IL17RE: variants seen among roughly 807,000 people sequenced by gnomAD.
The protein encoded by IL17RE is interleukin 17 receptor E.
Under a neutral mutation model 70.7 loss-of-function variants are expected in IL17RE, and 47 were observed. That is an observed-to-expected ratio of 0.67 (90% confidence interval 0.53 to 0.85). The LOEUF (loss-of-function observed/expected upper bound fraction) is 0.85, where lower values mean the gene tolerates loss of function less well. IL17RE is among the 40% of genes least tolerant of loss of function. The pLI is 0.00. For synonymous variants in IL17RE, 372 were observed against 381.2 expected, an observed-to-expected ratio of 0.98 and a Z score of 0.28; for missense variants, 850 against 893.9, an observed-to-expected ratio of 0.95 and a Z score of 0.63.
Position 9,906,718 on chromosome 3 carries a change from C to A in IL17RE, c.379C>A (p.Pro127Thr). ...TCTCTGCCTTTAGAGGAAGCTGCTG[C>A]CTCGTCGTCACCTGTCTGAGAAGAG... Reference protein sequence around the residue: ...MPAPAQRKLLPRRHLSEKSHH... With the variant: ...MPAPAQRKLLTRRHLSEKSHH... The change falls in exon 5 of 16, where the codon CCT (proline) becomes ACT (threonine). Residue 127 changes from proline to threonine, a missense_variant. Physicochemically the swap from Pro to Thr is conservative, Grantham distance 38. Coordinates refer to ENST00000383814, the MANE Select transcript of IL17RE (RefSeq NM_153480.2). The A allele has an allele frequency of 6.2e-7, 1 of 1,614,198 alleles. No homozygotes were observed. Among genetic ancestry groups the A allele is most frequent in the Non-Finnish European group, 8.5e-7 (1 of 1,180,028 alleles).
chr3:9,904,845 G>C (rs1331564327), intron 3 of IL17RE, among the ~76,000 whole-genome samples: 1 of 152,152 alleles, frequency 6.6e-6, no homozygotes, highest in African/African-American at 2.4e-5. Context: ...TGTAATCCCA[G>C]CACTCTGGGA....
In IL17RE at chr3:9,906,991, A is replaced by G; in HGVS notation, c.557A>G (p.Glu186Gly). The change falls in exon 6 of 16, where the codon GAG (glutamate) becomes GGG (glycine). Residue 186 changes from glutamate (E) to glycine (G), a missense_variant. Transcript: ENST00000383814. The stretch of plus-strand genomic sequence containing the variant: ...GAGTTCTCCTTTGATTTGCTGCCTG[A>G]GGCCCGGGCTATTCGGGTGACCATA... ...GPEFSFDLLP[E>G]ARAIRVTISS... 1 of 1,614,150 alleles carries G rather than the reference A, an allele frequency of 6.2e-7. No homozygotes were observed. The highest frequency in any genetic ancestry group is 8.5e-7 in the Non-Finnish European group (1 of 1,180,028).
chr3:9,915,561 C>G lies in IL17RE; in HGVS notation c.1758C>G (p.Arg586=), dbSNP rs1008017317. The change falls in exon 16 of 16, where the codon CGC becomes CGG. Residue 586 remains arginine, a synonymous_variant. Coordinates refer to ENST00000383814, the MANE Select transcript of IL17RE (RefSeq NM_153480.2). The surrounding 1 kb of genome is among the most constrained non-coding windows in gnomAD (Gnocchi z 4.9). ...PLLALLHAAP[R]PLLLLAYFSR... is the part of the protein sequence containing the mutation. ...TCGCCCTGCTCCACGCTGCCCCGCG[C>G]CCGCTGCTGCTGCTCGCTTACTTCA... is the stretch of plus-strand genomic sequence containing the variant. The G allele has an allele frequency of 1.5e-5, 21 of 1,410,006 alleles. No individual in the cohort carries two copies. In the African/African-American group the frequency reaches 3.0e-4, roughly 20 times the overall value. 87.3% of individuals were successfully genotyped at this position (1,410,006 alleles called of 1,614,324 possible). A position where few individuals can be genotyped will look rare whatever the true frequency, so the allele number is the denominator to read the frequency against.
At position 9,915,945 on chromosome 3, in the gene IL17RE, C is replaced by T. The variant is rs1473765407; in HGVS notation, c.*138C>T. 7.6e-7 allele frequency: 1 copy of T among 1,316,006 alleles called. No homozygotes were observed. The highest frequency in any genetic ancestry group is 9.7e-7 in the Non-Finnish European group (1 of 1,032,142). 81.5% of individuals were successfully genotyped at this position (1,316,006 alleles called of 1,614,324 possible). On this transcript the variant is annotated 3_prime_UTR_variant, in exon 16 of 16. Transcript: ENST00000383814. This position sits in a 1 kb window ranked among gnomAD's most constrained non-coding sequence, Gnocchi z 4.9. ...GGCCGAAAAGCCGCATTCCCTGCCT[C>T]ACAGGCCGGAAGTCCCAGCCCAGTC...
rs1575475074 is a variant in IL17RE at position 9,903,274 on chromosome 3, G to A, written c.133-123G>A. 2.6e-6 allele frequency: 3 copies of A among 1,150,188 alleles called. No homozygotes were observed. In the East Asian group the frequency reaches 7.1e-5, roughly 27 times the overall value. The allele number at this position is 1,150,188 out of a possible 1,614,324, so 71.2% of individuals were successfully genotyped here. A position where few individuals can be genotyped will look rare whatever the true frequency, so the allele number is the denominator to read the frequency against. On this transcript the variant is annotated intron_variant, in intron 1 of 15. Coordinates refer to ENST00000383814, the MANE Select transcript of IL17RE (RefSeq NM_153480.2). ...GGAAGATAAGAGCCAGAAGGTATGG[G>A]CTATTAGCTATGGGGCTCAGAATTT...
In IL17RE at chr3:9,914,009, A is replaced by G. The variant is rs1204551988; in HGVS notation, c.1281A>G (p.Pro427=). The change falls in exon 13 of 16, where the codon CCA becomes CCG. Residue 427 remains proline, a synonymous_variant. Transcript: ENST00000383814. ...ACCTCATCATTCCCTTCCTGAGGCC[A>G]GGGTGCTGTGTCCTGGTAAGGAAAC... The part of the protein sequence containing the change: ...SLDLIIPFLR[P]GCCVLVWRSD... 1.9e-6 allele frequency: 3 copies of G among 1,613,858 alleles called. No individual in the cohort carries two copies. The highest frequency in any genetic ancestry group is 1.7e-6 in the Non-Finnish European group (2 of 1,179,710).
In IL17RE at chr3:9,915,586, A is replaced by C; in HGVS notation, c.1783A>C (p.Ser595Arg). The change falls in exon 16 of 16, where the codon AGT (serine) becomes CGT (arginine). Residue 595 changes from serine (S) to arginine (R), a missense_variant. Coordinates refer to ENST00000383814, the MANE Select transcript of IL17RE (RefSeq NM_153480.2). The surrounding 1 kb of genome is among the most constrained non-coding windows in gnomAD (Gnocchi z 4.9). ...PRPLLLLAYF[S>R]RLCAKGDIPP... ...CCCGCTGCTGCTGCTCGCTTACTTC[A>C]GTCGCCTCTGCGCCAAGGGCGACAT... 2.1e-6 allele frequency: 3 copies of C among 1,422,294 alleles called. No individual in the cohort carries two copies. Among genetic ancestry groups the C allele is most frequent in the Non-Finnish European group, 2.8e-6 (3 of 1,090,834 alleles). The allele number at this position is 1,422,294 out of a possible 1,614,324, so 88.1% of individuals were successfully genotyped here.
intron 12 of IL17RE, among the ~76,000 whole-genome samples, chr3:9,912,886 AT>A (rs1204386869): frequency 6.6e-6 from 1 of 152,210 alleles, no homozygotes; most frequent in Non-Finnish European, 1.5e-5. Flanking sequence ...AATGTTTTTA[AT>A]TAAAATTCTG....
chr3:9,911,257 C>T lies in IL17RE; in HGVS notation c.1029C>T (p.Phe343=). 6.2e-7 allele frequency: 1 copy of T among 1,614,180 alleles called. No individual in the cohort carries two copies. Among genetic ancestry groups the T allele is most frequent in the Non-Finnish European group, 8.5e-7 (1 of 1,180,040 alleles). The change falls in exon 11 of 16, where the codon TTC becomes TTT. Residue 343 remains phenylalanine (F), a splice_region_variant and synonymous_variant. Transcript: ENST00000383814. Reference sequence around the variant, plus strand: ...TCTGCCATTCCTGTATTTCTCAGTTCTCTTTTGGAAACAGCAGCCATGTTG... The same window carrying T: ...TCTGCCATTCCTGTATTTCTCAGTTTTCTTTTGGAAACAGCAGCCATGTTG... The part of the protein sequence containing the change: ...VDLHPQLCFK[F]SFGNSSHVEC...
At chr3:9,914,108 C>A in intron 13 of IL17RE, 84 bp downstream of exon 13, 1 of 1,138,608 alleles carries the variant, frequency 8.8e-7, no homozygotes, top group Non-Finnish European at 1.3e-6. Context: ...ATCCATTCTG[C>A]AAAAATGTTT....
At chr3:9,911,365 A>C (rs1387579651) in intron 11 of IL17RE, 65 bp downstream of exon 11, 2 of 1,612,850 alleles carry the variant, frequency 1.2e-6, no homozygotes, top group African/African-American at 2.7e-5. Context: ...AACTGTAACC[A>C]AGCTAAACCC....
At position 9,910,949 on chromosome 3, in the gene IL17RE, C is replaced by A; in HGVS notation, c.887C>A (p.Pro296Gln). ...QMVMALTLRC[P>Q]LKLEAALCQR... ...GTCATGGCCCTGACACTCCGCTGCCCACTGAAGCTGGAAGCTGCCCTCTGC... is the reference window on the plus strand; with the variant it reads ...GTCATGGCCCTGACACTCCGCTGCCAACTGAAGCTGGAAGCTGCCCTCTGC... Residue 296 changes from proline (P) to glutamine (Q), a missense_variant, in exon 9 of 16, where the codon CCA (proline) becomes CAA (glutamine). Physicochemically the swap from Pro to Gln is moderately conservative, Grantham distance 76 (BLOSUM62 -1). Coordinates refer to ENST00000383814, the MANE Select transcript of IL17RE (RefSeq NM_153480.2). 6.2e-7 allele frequency: 1 copy of A among 1,614,200 alleles called. No homozygotes were observed. The highest frequency in any genetic ancestry group is 8.5e-7 in the Non-Finnish European group (1 of 1,180,036).
intron 6 of IL17RE, 35 bp from the exon 7 acceptor site, chr3:9,908,204 G>C: frequency 6.3e-7 from 1 of 1,583,528 alleles, no homozygotes; most frequent in Non-Finnish European, 8.7e-7. Context: ...TCTTTCTCAG[G>C]CATCTTTTGT....
chr3:9,903,481 T>A, intron 2 of IL17RE, 69 bp downstream of exon 2: 1 of 1,548,714 alleles, frequency 6.5e-7, no homozygotes, highest in South Asian at 1.1e-5. Context: ...TAGCAAGCCC[T>A]CCATTCTAAT....
chr3:9,902,553 C>T, upstream of IL17RE: 1 of 1,394,128 alleles, frequency 7.2e-7, no homozygotes, highest in Non-Finnish European at 9.8e-7. Context: ...GACACAAGTT[C>T]CAGAGTGTGC....
At chr3:9,911,630 C>T (rs2082895727) in intron 12 of IL17RE, 33 bp downstream of exon 12, 2 of 1,584,054 alleles carry the variant, frequency 1.3e-6, no homozygotes, top group Non-Finnish European at 1.7e-6. Context: ...TCCTATTGCT[C>T]AGAGCACAGC....
Position 9,911,596 on chromosome 3 carries a change from A to G in IL17RE, c.1226A>G (p.Gln409Arg), listed in dbSNP as rs1212305837. 2 of 1,610,880 alleles carry G rather than the reference A, an allele frequency of 1.2e-6. No homozygotes were observed. Among genetic ancestry groups the G allele is most frequent in the East Asian group, 4.5e-5 (2 of 44,730 alleles). Reference protein sequence around the residue: ...TLVPPVYTVSQARGSSPVSLD... With the variant: ...TLVPPVYTVSRARGSSPVSLD... ...GTGCCCCCCGTGTACACTGTCAGCC[A>G]GGTATGGCCTCGCCCCCACTAGGTC... The change falls in exon 12 of 16, where the codon CAG becomes CGG. Residue 409 changes from glutamine (Q) to arginine (R), a missense_variant and splice_region_variant. Gln to Arg is a conservative substitution (Grantham distance 43). Transcript: ENST00000383814.
Position 9,910,866 on chromosome 3 carries a change from T to C in IL17RE, c.804T>C (p.Tyr268=), listed in dbSNP as rs2082873650. ...CCACTGACCCTGCCACCTGCCCAGATGGCTCGGACTTCTGGAAGTCAGTGC... is the reference window on the plus strand; with the variant it reads ...CCACTGACCCTGCCACCTGCCCAGACGGCTCGGACTTCTGGAAGTCAGTGC... The part of the protein sequence containing the change: ...KCPFQSWPEA[Y]GSDFWKSVHF... The change falls in exon 9 of 16, where the codon TAT becomes TAC. Residue 268 remains tyrosine (Y), a splice_region_variant and synonymous_variant. Coordinates refer to ENST00000383814, the MANE Select transcript of IL17RE (RefSeq NM_153480.2). The C allele has an allele frequency of 1.2e-6, 2 of 1,613,222 alleles. No homozygotes were observed. Among genetic ancestry groups the C allele is most frequent in the Non-Finnish European group, 1.7e-6 (2 of 1,179,488 alleles).
Position 9,914,675 on chromosome 3 carries a change from TC to T in IL17RE, c.1349-3del. ...TGGGCTTGGCCTCATCCTGCTTGACTCAGTCTCTTACAGACACCTGGGGCTC... is the reference window on the plus strand; with the variant it reads ...TGGGCTTGGCCTCATCCTGCTTGACTAGTCTCTTACAGACACCTGGGGCTC... On this transcript the variant is annotated splice_polypyrimidine_tract_variant and splice_region_variant and intron_variant, in intron 14 of 15. Coordinates refer to ENST00000383814, the MANE Select transcript of IL17RE (RefSeq NM_153480.2). 1 of 1,614,034 alleles carries T rather than the reference TC, an allele frequency of 6.2e-7. No homozygotes were observed. Among genetic ancestry groups the T allele is most frequent in the Non-Finnish European group, 8.5e-7 (1 of 1,179,910 alleles).
Sources: allele counts gnomAD v4.1 joint callset (sites outside exome capture counted in the v4.1 genomes callset), GRCh38; gene constraint gnomAD v4.1.1; non-coding constraint Gnocchi (gnomAD v3.1); transcripts MANE v1.5; gene names NCBI Gene and HGNC (gene_info 2026-07-23, HGNC 2026-07-21).